The following LRFN5 variants were observed in gnomAD, a reference collection of about 807,000 sequenced individuals.
LRFN5 encodes leucine-rich repeat and fibronectin type-III domain-containing protein 5.
In LRFN5, 24 loss-of-function variants were observed where a neutral mutation model predicts 45.6. That is an observed-to-expected ratio of 0.53 (90% CI 0.38 to 0.74). The LOEUF (loss-of-function observed/expected upper bound fraction) is 0.74, where lower values mean the gene tolerates loss of function less well. Ranked by LOEUF, LRFN5 falls within the 30% of genes least tolerant of loss-of-function variation. The pLI is 0.00. For missense variants in LRFN5, 776 were observed against 861.5 expected (o/e 0.90, Z 1.24); for synonymous variants, 340 against 313.8 (o/e 1.08, Z -0.88).
chr14:41,852,955 C>T (rs866004379), intron 2 of LRFN5, among the ~76,000 whole-genome samples: 26 of 151,796 alleles, frequency 1.7e-4, no homozygotes, highest in African/African-American at 6.0e-4. Context: ...TTTCTTGCTG[C>T]CAAGTTGTCC....
At chr14:41,621,254 T>C (rs936777001) in intron 1 of LRFN5, among the ~76,000 whole-genome samples, 1 of 152,194 alleles carries the variant, frequency 6.6e-6, no homozygotes, top group Non-Finnish European at 1.5e-5. Flanking sequence ...ACAGTCTATA[T>C]TGGGAATGAG....
intron 2 of LRFN5, among the ~76,000 whole-genome samples, chr14:41,864,410 C>A (rs1049386914): frequency 1.3e-5 from 2 of 152,136 alleles, no homozygotes; most frequent in African/African-American, 2.4e-5. Context: ...ATTTGCATTT[C>A]TCTAATGACA....
chr14:41,886,493 C>T, intron 2 of LRFN5, 113 bp from the exon 3 acceptor site: 1 of 725,648 alleles, frequency 1.4e-6, no homozygotes, highest in Non-Finnish European at 2.1e-6. Context: ...GTTAAGCAAA[C>T]AAGTGAAATT....
At position 41,816,773 on chromosome 14, in the gene LRFN5, G is replaced by T. The variant is rs557388724; in HGVS notation, c.-21+49744G>T. Among the ~76,000 whole-genome samples the T allele has an allele frequency of 1.9e-4, 29 of 151,916 alleles. No homozygotes were observed. The East Asian group carries it at 1.9e-3, about 10-fold the overall frequency. On this transcript the variant is annotated intron_variant, in intron 2 of 5. Coordinates refer to ENST00000298119, the MANE Select transcript of LRFN5 (RefSeq NM_152447.5). Reference sequence around the variant, plus strand: ...GTGTTTTTGACATATGTACTGCTTGGTTTTTTCTGAGCTTCCTGGATCTGT... The same window carrying T: ...GTGTTTTTGACATATGTACTGCTTGTTTTTTTCTGAGCTTCCTGGATCTGT...
chr14:41,741,434 A>T (rs1487524144), intron 1 of LRFN5, among the ~76,000 whole-genome samples: 1 of 151,764 alleles, frequency 6.6e-6, no homozygotes, highest in Non-Finnish European at 1.5e-5. Flanking sequence ...ACAAAGATAA[A>T]CACAATGAAG....
At chr14:41,674,923 C>T (rs530147656) in intron 1 of LRFN5, among the ~76,000 whole-genome samples, 53 of 150,754 alleles carry the variant, frequency 3.5e-4, no homozygotes, top group Non-Finnish European at 5.6e-4. Context: ...ACCTCCCAGA[C>T]GGGGTCGCGG....
intron 1 of LRFN5, among the ~76,000 whole-genome samples, chr14:41,698,862 T>C (rs957818125): frequency 3.9e-5 from 6 of 152,088 alleles, no homozygotes; most frequent in Non-Finnish European, 8.8e-5. Context: ...TGGTAATCAT[T>C]GGTATAGGAT....
chr14:41,899,921 A>C (rs1891053088), intron 5 of LRFN5, among the ~76,000 whole-genome samples: 1 of 152,124 alleles, frequency 6.6e-6, no homozygotes, highest in African/African-American at 2.4e-5. Flanking sequence ...AATGTCTGGC[A>C]CATGTTTGTG....
rs1881226105 is a variant in LRFN5 at position 41,671,617 on chromosome 14, G to GTTTTTTTTTTTTCTTTTTTTTTTTTTT, written c.-197+63067_-197+63068insCTTTTTTTTTTTTTTTTTTTTTTTTTT. ...TGTGGAGGAGAGATTTTTTTTTTTC[G>GTTTTTTTTTTTTCTTTTTTTTTTTTTT]TTTTTTTTTTTTTTTTTTTTACGGA... On this transcript the variant is annotated intron_variant, in intron 1 of 5. Transcript: ENST00000298119. Among the ~76,000 whole-genome samples the GTTTTTTTTTTTTCTTTTTTTTTTTTTT allele has an allele frequency of 2.6e-5, 2 of 78,020 alleles. 1 individual carries two copies. Among genetic ancestry groups the GTTTTTTTTTTTTCTTTTTTTTTTTTTT allele is most frequent in the East Asian group, 8.7e-4 (2 of 2,296 alleles). The allele number at this position is 78,020 out of a possible 152,430, so 51.2% of individuals were successfully genotyped here.
intron 2 of LRFN5, among the ~76,000 whole-genome samples, chr14:41,803,409 TGGTA>T (rs1230323220): frequency 1.3e-5 from 2 of 152,034 alleles, no homozygotes; most frequent in Non-Finnish European, 2.9e-5. Context: ...TAGAAGGCAG[TGGTA>T]TGATCATACC....
At chr14:41,821,852 T>A (rs2139014525) in intron 2 of LRFN5, among the ~76,000 whole-genome samples, 1 of 147,596 alleles carries the variant, frequency 6.8e-6, no homozygotes, top group Non-Finnish European at 1.5e-5. Flanking sequence ...ATTATTTGTC[T>A]ACTCAAGTTT....
chr14:41,706,794 A>G (rs1037574081), intron 1 of LRFN5, among the ~76,000 whole-genome samples: 3 of 151,962 alleles, frequency 2.0e-5, no homozygotes, highest in African/African-American at 7.2e-5. Context: ...AACACTGTAA[A>G]TAATAGTATG....
intron 1 of LRFN5, among the ~76,000 whole-genome samples, chr14:41,655,663 A>G (rs1489001037): frequency 6.6e-6 from 1 of 151,984 alleles, no homozygotes; most frequent in Admixed American, 6.6e-5. Context: ...GCTTAGGAAA[A>G]AACAGAGGAG....
chr14:41,786,785 A>T (rs1467615080), intron 2 of LRFN5, among the ~76,000 whole-genome samples: 2 of 151,784 alleles, frequency 1.3e-5, no homozygotes, highest in Non-Finnish European at 2.9e-5. Context: ...GATGCACGAT[A>T]CCTTTTTATT....
At chr14:41,846,332 C>G (rs1227865595) in intron 2 of LRFN5, among the ~76,000 whole-genome samples, 1 of 151,992 alleles carries the variant, frequency 6.6e-6, no homozygotes, top group African/African-American at 2.4e-5. Flanking sequence ...TATAATAGCA[C>G]TATTTGAAAT....
At chr14:41,650,225 A>G (rs533268898) in intron 1 of LRFN5, among the ~76,000 whole-genome samples, 64 of 142,000 alleles carry the variant, frequency 4.5e-4, no homozygotes, top group African/African-American at 1.6e-3. Flanking sequence ...GAAACCCTGT[A>G]TCTACAAAAA....
intron 1 of LRFN5, among the ~76,000 whole-genome samples, chr14:41,718,194 C>CT (rs1341237275): frequency 2.0e-5 from 3 of 152,168 alleles, no homozygotes; most frequent in Non-Finnish European, 4.4e-5. Flanking sequence ...CTTGACATCT[C>CT]TAAGCCTTAG....
chr14:41,834,315 T>A (rs1005109602), intron 2 of LRFN5, among the ~76,000 whole-genome samples: 4 of 152,212 alleles, frequency 2.6e-5, no homozygotes, highest in African/African-American at 9.6e-5. Flanking sequence ...TATTTATATG[T>A]GTTGGTTTAT....
chr14:41,848,459 G>A (rs1889145669), intron 2 of LRFN5, among the ~76,000 whole-genome samples: 1 of 151,090 alleles, frequency 6.6e-6, no homozygotes, highest in Admixed American at 6.7e-5. Flanking sequence ...TGTACAGCGG[G>A]AGTTATGGCT....
Sources: allele counts gnomAD v4.1 joint callset (sites outside exome capture counted in the v4.1 genomes callset), GRCh38; gene constraint gnomAD v4.1.1; transcripts MANE v1.5; gene names NCBI Gene and HGNC (gene_info 2026-07-23, HGNC 2026-07-21).